Variants in NCALD observed in about 807,000 individuals in gnomAD.
NCALD encodes neurocalcin delta, also known as neurocalcin-delta.
A neutral mutation model predicts 18.6 loss-of-function variants in NCALD; 10 were observed. That is an observed-to-expected ratio of 0.54 (90% confidence interval 0.33 to 0.91). NCALD has a LOEUF of 0.91. Among genes scored for constraint, NCALD ranks in the 40% least tolerant of loss-of-function variants. The pLI, the probability that NCALD is intolerant of heterozygous loss-of-function variation, is 0.03. For missense variants in NCALD, 184 were observed against 247.6 expected, an observed-to-expected ratio of 0.74 and a Z score of 1.72; for synonymous variants, 88 against 87.4, an observed-to-expected ratio of 1.01 and a Z score of -0.04.
chr8:101,800,967 AGG>A (rs1452631088), intron 4 of NCALD, among the ~76,000 whole-genome samples: 1 of 81,654 alleles, frequency 1.2e-5, no homozygotes, highest in Non-Finnish European at 2.2e-5. Context: ...AGGGGAGAAG[AGG>A]GGAGGGGAAA....
intron 4 of NCALD, among the ~76,000 whole-genome samples, chr8:101,877,682 C>G (rs551122256): frequency 6.6e-6 from 1 of 152,202 alleles, no homozygotes; most frequent in Non-Finnish European, 1.5e-5. Context: ...AGGAGAAATC[C>G]TGACTATACA....
chr8:101,887,816 T>G (rs77427699), intron 3 of NCALD, among the ~76,000 whole-genome samples: 1,617 of 152,234 alleles, frequency 0.011, 16 homozygotes, highest in Middle Eastern at 0.037. Context: ...AAGGAAATGT[T>G]TGTTTCATTG....
At chr8:102,004,912 A>G (rs190305887) in intron 2 of NCALD, among the ~76,000 whole-genome samples, 1,878 of 152,360 alleles carry the variant, frequency 0.012, 41 homozygotes, top group African/African-American at 0.04. Context: ...CGTTAGACCT[A>G]AAACCATAAA....
intron 2 of NCALD, among the ~76,000 whole-genome samples, chr8:101,704,081 T>C (rs961523015): frequency 1.8e-4 from 28 of 152,204 alleles, no homozygotes; most frequent in Admixed American, 1.3e-4. Context: ...CAGTCCTAGC[T>C]GAGTGCTGCT....
At chr8:102,097,925 G>C (rs1329188539) in intron 1 of NCALD, among the ~76,000 whole-genome samples, 1 of 152,160 alleles carries the variant, frequency 6.6e-6, no homozygotes, top group Non-Finnish European at 1.5e-5. Context: ...CAATGCAAAG[G>C]CCAGGCCACA....
chr8:101,778,255 G>T (rs1340024875), intron 1 of NCALD, among the ~76,000 whole-genome samples: 1 of 152,156 alleles, frequency 6.6e-6, no homozygotes, highest in African/African-American at 2.4e-5. Context: ...CTACGTAACT[G>T]CCAAAGAAAT....
At chr8:101,823,609 A>G (rs2131204165) in intron 4 of NCALD, among the ~76,000 whole-genome samples, 1 of 152,360 alleles carries the variant, frequency 6.6e-6, no homozygotes, top group South Asian at 2.1e-4. Flanking sequence ...GTATGAAAAA[A>G]AAATTCTAAA....
At chr8:101,896,432 T>G (rs1473279655) in intron 3 of NCALD, among the ~76,000 whole-genome samples, 1 of 152,128 alleles carries the variant, frequency 6.6e-6, no homozygotes, top group African/African-American at 2.4e-5. Flanking sequence ...ACCTAGGCAT[T>G]GCCATTCAGG....
intron 2 of NCALD, among the ~76,000 whole-genome samples, chr8:101,984,318 A>T (rs1311213563): frequency 6.6e-6 from 1 of 152,228 alleles, no homozygotes; most frequent in African/African-American, 2.4e-5. Flanking sequence ...ACTTCTTCCA[A>T]CATAGGGTTT....
chr8:101,760,543 C>T (rs1257334172), intron 1 of NCALD, among the ~76,000 whole-genome samples: 1 of 152,178 alleles, frequency 6.6e-6, no homozygotes, highest in African/African-American at 2.4e-5. Context: ...TAACTAAATG[C>T]AGCAAACCTC....
chr8:101,718,963 T>G (rs1047102951), intron 2 of NCALD, among the ~76,000 whole-genome samples: 1 of 152,260 alleles, frequency 6.6e-6, no homozygotes, highest in Non-Finnish European at 1.5e-5. Context: ...TCCTTTTTAT[T>G]GATCGTAACT....
intron 3 of NCALD, among the ~76,000 whole-genome samples, chr8:101,911,300 G>A (rs1267752637): frequency 1.3e-5 from 2 of 149,710 alleles, no homozygotes; most frequent in South Asian, 2.1e-4. Flanking sequence ...GGGGGGAGAA[G>A]GAGAAGGGGG....
chr8:101,970,027 C>G (rs1389453695), intron 2 of NCALD, among the ~76,000 whole-genome samples: 1 of 152,012 alleles, frequency 6.6e-6, no homozygotes, highest in East Asian at 1.9e-4. Flanking sequence ...AGTAATACTA[C>G]AAATAATAAT....
intron 2 of NCALD, among the ~76,000 whole-genome samples, chr8:101,980,124 C>T (rs1158637228): frequency 6.6e-6 from 1 of 152,146 alleles, no homozygotes. Context: ...TGTACAGTGG[C>T]CAGGACAACA....
In NCALD at chr8:102,094,287, T is replaced by C. The variant is rs985460549; in HGVS notation, c.-210+29950A>G. On this transcript the variant is annotated intron_variant, in intron 1 of 6. Transcript: ENST00000311028. ...TTTAAAAGGGAAGTAGGAAATAGCA[T>C]TAAATGAGCACTTAGTCTGTACCAG... 2.6e-5 allele frequency among the ~76,000 whole-genome samples: 4 copies of C among 152,242 alleles called. No individual in the cohort carries two copies. In the East Asian group the frequency reaches 7.7e-4, roughly 29 times the overall value.
chr8:101,817,114 A>T (rs1427642504), intron 4 of NCALD, among the ~76,000 whole-genome samples: 1 of 152,106 alleles, frequency 6.6e-6, no homozygotes. Flanking sequence ...CTCTCTTTGC[A>T]CTTCTGGCCA....
At chr8:101,817,548 G>A (rs1469036464) in intron 4 of NCALD, among the ~76,000 whole-genome samples, 3 of 149,100 alleles carry the variant, frequency 2.0e-5, no homozygotes, top group Non-Finnish European at 4.4e-5. Flanking sequence ...AGTTATGTTG[G>A]TTTTTGCTTC....
intron 4 of NCALD, among the ~76,000 whole-genome samples, chr8:101,847,654 A>G (rs1374051923): frequency 6.6e-6 from 1 of 152,218 alleles, no homozygotes; most frequent in Non-Finnish European, 1.5e-5. Flanking sequence ...GTTAAAAACC[A>G]GTGCTAGATG....
At chr8:101,768,961 G>C (rs983025650) in intron 1 of NCALD, among the ~76,000 whole-genome samples, 2 of 152,140 alleles carry the variant, frequency 1.3e-5, no homozygotes, top group African/African-American at 4.8e-5. Context: ...GATTATTCAG[G>C]TGTGTCCAGT....
Sources: gnomAD v4.1 joint callset for allele counts (sites outside exome capture counted in the v4.1 genomes callset) on GRCh38, gnomAD v4.1.1 for gene constraint, MANE v1.5 for transcripts, NCBI Gene and HGNC (gene_info 2026-07-23, HGNC 2026-07-21) for gene names.